The following VPS13B variants were observed in gnomAD, a reference collection of about 807,000 sequenced individuals.
VPS13B encodes intermembrane lipid transfer protein VPS13B.
A neutral mutation model predicts 426.4 loss-of-function variants in VPS13B; 285 were observed. The ratio of observed to expected loss-of-function variants is 0.67; its 90% CI spans 0.61 to 0.74. VPS13B has a LOEUF of 0.74. Among genes scored for constraint, VPS13B ranks in the 30% least tolerant of loss-of-function variants. The pLI is 0.00. For synonymous variants in VPS13B, 1,676 were observed against 1,676.4 expected (o/e 1.00, Z 0.01); for missense variants, 4,537 against 4,782.6 (o/e 0.95, Z 1.51).
Position 99,121,373 on chromosome 8 carries a change from A to T in VPS13B, c.1134A>T (p.Gln378His). 6.2e-7 allele frequency: 1 copy of T among 1,614,204 alleles called. No homozygotes were observed. The highest frequency in any genetic ancestry group is 1.3e-5 in the African/African-American group (1 of 75,064). The change falls in exon 8 of 62, where the codon CAA (glutamine) becomes CAT (histidine). Residue 378 changes from glutamine to histidine, a missense_variant. By Grantham distance (24) the Gln-to-His change is conservative (BLOSUM62 0). Around this residue, in one of 2 missense-constraint regions of VPS13B, gnomAD observed 4,311 missense variants for 4,474.3 expected, o/e 0.96. Transcript: ENST00000357162. ...ATCCTGCATCAACCATGCATCAACA[A>T]AAAGCACAGACTTTGAAGGATCCTA... ...GNDPASTMHQ[Q>H]KAQTLKDPIV...
At chr8:99,047,706 G>A (rs1843306850) in intron 3 of VPS13B, among the ~76,000 whole-genome samples, 1 of 151,502 alleles carries the variant, frequency 6.6e-6, no homozygotes, top group African/African-American at 2.4e-5. Context: ...TTTTATTTTT[G>A]AGATGAAGTC....
At chr8:99,156,885 T>G in intron 15 of VPS13B, 142 bp downstream of exon 15, 1 of 684,068 alleles carries the variant, frequency 1.5e-6, no homozygotes, top group Admixed American at 3.5e-5. Context: ...GATGTATTTA[T>G]TCCAATAAAT....
At chr8:99,189,295 A>T (rs1813416294) in intron 16 of VPS13B, among the ~76,000 whole-genome samples, 1 of 152,236 alleles carries the variant, frequency 6.6e-6, no homozygotes, top group Admixed American at 6.5e-5. Context: ...ACATAAATTG[A>T]CTATGTATAC....
At chr8:99,390,035 A>G (rs1302373581) in intron 20 of VPS13B, among the ~76,000 whole-genome samples, 1 of 152,202 alleles carries the variant, frequency 6.6e-6, no homozygotes, top group Non-Finnish European at 1.5e-5. Flanking sequence ...TAAATACCAA[A>G]TATAAAAGCA....
At chr8:99,258,255 T>A (rs978278950) in intron 17 of VPS13B, among the ~76,000 whole-genome samples, 1 of 151,992 alleles carries the variant, frequency 6.6e-6, no homozygotes, top group Non-Finnish European at 1.5e-5. Context: ...TTGACTAATA[T>A]GAGAAGCAGG....
intron 39 of VPS13B, among the ~76,000 whole-genome samples, chr8:99,763,163 A>AAAAAAAAAAAAG (rs1563905521): frequency 3.8e-4 from 56 of 146,964 alleles, no homozygotes; most frequent in African/African-American, 1.4e-3. Context: ...AAAAAAAAAA[A>AAAAAAAAAAAAG]AAGAAGAGAA....
intron 39 of VPS13B, among the ~76,000 whole-genome samples, chr8:99,729,139 G>A (rs4734436): frequency 0.061 from 9,239 of 152,076 alleles, 370 homozygotes; most frequent in African/African-American, 0.11. Context: ...GGAGAGCCAC[G>A]TTTTACCAAC....
chr8:99,037,177 T>C (rs1402034752), intron 2 of VPS13B, among the ~76,000 whole-genome samples: 1 of 152,242 alleles, frequency 6.6e-6, no homozygotes, highest in East Asian at 1.9e-4. Context: ...AATTAATGCA[T>C]TTTAAAAATA....
chr8:99,385,346 G>A (rs1376059958), intron 20 of VPS13B, among the ~76,000 whole-genome samples: 1 of 152,058 alleles, frequency 6.6e-6, no homozygotes, highest in Non-Finnish European at 1.5e-5. Flanking sequence ...TATCCTATTT[G>A]GAATAGTTTT....
At chr8:99,297,666 T>C (rs1158854641) in intron 19 of VPS13B, among the ~76,000 whole-genome samples, 1 of 152,258 alleles carries the variant, frequency 6.6e-6, no homozygotes, top group Non-Finnish European at 1.5e-5. Context: ...AACTATGTGC[T>C]AGTGGTTAGC....
At chr8:99,292,816 G>A (rs1563650858) in intron 19 of VPS13B, among the ~76,000 whole-genome samples, 1 of 152,098 alleles carries the variant, frequency 6.6e-6, no homozygotes, top group Non-Finnish European at 1.5e-5. Context: ...GCAACTGTTT[G>A]TAACTTTCCT....
chr8:99,740,160 G>T (rs1266753769), intron 39 of VPS13B, among the ~76,000 whole-genome samples: 2 of 152,152 alleles, frequency 1.3e-5, no homozygotes, highest in African/African-American at 4.8e-5. Context: ...CACAGCACAA[G>T]AACTACATGA....
intron 17 of VPS13B, among the ~76,000 whole-genome samples, chr8:99,201,019 C>A (rs1335242356): frequency 6.6e-6 from 1 of 151,834 alleles, no homozygotes. Context: ...TTTAATATCA[C>A]AGAATCCTTC....
chr8:99,229,524 C>T (rs546852228), intron 17 of VPS13B, among the ~76,000 whole-genome samples: 9 of 152,216 alleles, frequency 5.9e-5, no homozygotes, highest in African/African-American at 2.2e-4. Context: ...CAGTTTGACA[C>T]TATGTACTAG....
intron 60 of VPS13B, 184 bp from the exon 61 acceptor site, chr8:99,871,264 A>G: frequency 1.1e-6 from 1 of 907,994 alleles, no homozygotes; most frequent in Non-Finnish European, 1.7e-6. Context: ...CCCAGGAGGA[A>G]GCAGGTTCTG....
At chr8:99,586,630 A>G (rs1191798804) in intron 33 of VPS13B, among the ~76,000 whole-genome samples, 1 of 152,132 alleles carries the variant, frequency 6.6e-6, no homozygotes. Flanking sequence ...GAGGGAAAAG[A>G]TGGGCCAGTA....
intron 30 of VPS13B, among the ~76,000 whole-genome samples, chr8:99,543,862 G>C (rs1335577011): frequency 1.4e-5 from 2 of 147,180 alleles, no homozygotes; most frequent in East Asian, 2.0e-4. Flanking sequence ...TACACTGTTG[G>C]TGGGACTGTA....
rs373427048 is a variant in VPS13B, at chr8:99,716,750, A to C, written c.6455-421A>C. Among the ~76,000 whole-genome samples the C allele has an allele frequency of 2.4e-4, 36 of 152,280 alleles. 1 individual carries two copies. Among genetic ancestry groups the C allele is most frequent in the African/African-American group, 6.7e-4 (28 of 41,566 alleles). On this transcript the variant is annotated intron_variant, in intron 36 of 61. Coordinates refer to ENST00000357162, the MANE Select transcript of VPS13B (RefSeq NM_152564.5). ...GAATTTTAACATGGGCCAGTAAAAAACTTGAGTGTCTAGCAGAGTAACATA... is the reference window on the plus strand; with the variant it reads ...GAATTTTAACATGGGCCAGTAAAAACCTTGAGTGTCTAGCAGAGTAACATA...
At chr8:99,397,231 C>T (rs1302952598) in intron 21 of VPS13B, among the ~76,000 whole-genome samples, 1 of 152,140 alleles carries the variant, frequency 6.6e-6, no homozygotes, top group East Asian at 1.9e-4. Flanking sequence ...CTGCAACCTC[C>T]ACCTCCTGAG....
Sources: allele counts gnomAD v4.1 joint callset (sites outside exome capture counted in the v4.1 genomes callset), GRCh38; gene constraint gnomAD v4.1.1; regional missense constraint gnomAD v4.1.1; transcripts MANE v1.5; gene names NCBI Gene and HGNC (gene_info 2026-07-23, HGNC 2026-07-21).